The following TMEM178B variants were observed in gnomAD, a reference collection of about 807,000 sequenced individuals.
TMEM178B encodes the protein transmembrane protein 178B.
Under a neutral mutation model 31.0 loss-of-function variants are expected in TMEM178B, and 5 were observed. The ratio of observed to expected loss-of-function variants is 0.16; its 90% confidence interval spans 0.08 to 0.34. The LOEUF (loss-of-function observed/expected upper bound fraction) is 0.34. TMEM178B is among the 10% of genes least tolerant of loss of function. The pLI is 1.00. For synonymous variants in TMEM178B, 164 were observed against 164.0 expected (o/e 1.00, Z 0.00); for missense variants, 275 against 400.3 (o/e 0.69, Z 2.67).
chr7:141,307,212 C>T (rs1798829588), intron 2 of TMEM178B, among the ~76,000 whole-genome samples: 1 of 152,120 alleles, frequency 6.6e-6, no homozygotes, highest in Non-Finnish European at 1.5e-5. Context: ...GGACTGTAAC[C>T]AAGTTTAGCC....
chr7:141,403,048 C>T (rs907253656), intron 2 of TMEM178B, among the ~76,000 whole-genome samples: 3 of 152,204 alleles, frequency 2.0e-5, no homozygotes, highest in African/African-American at 7.2e-5. Context: ...TTCATTTGCC[C>T]TGAGTTTGTG....
intron 2 of TMEM178B, among the ~76,000 whole-genome samples, chr7:141,271,992 C>G (rs1287418865): frequency 6.6e-6 from 1 of 152,164 alleles, no homozygotes; most frequent in Non-Finnish European, 1.5e-5. Context: ...TGTCCCATTG[C>G]TTGGGCCTCC....
chr7:141,488,433 C>CA, the TMEM178B span, among the ~76,000 whole-genome samples: 1 of 149,672 alleles, frequency 6.7e-6, no homozygotes, highest in African/African-American at 2.5e-5. Flanking sequence ...TATGCATTTT[C>CA]TTTTTTTTTT....
At chr7:141,232,168 C>T (rs1797458642) in intron 2 of TMEM178B, among the ~76,000 whole-genome samples, 1 of 152,192 alleles carries the variant, frequency 6.6e-6, no homozygotes. Flanking sequence ...GCATAGTATT[C>T]CATGGTGTAC....
chr7:141,278,056 T>G (rs1303259190), intron 2 of TMEM178B, among the ~76,000 whole-genome samples: 1 of 152,254 alleles, frequency 6.6e-6, no homozygotes, highest in African/African-American at 2.4e-5. Context: ...TAGAGAATTC[T>G]TCTTAGATTT....
chr7:141,088,972 C>A (rs899595042), intron 1 of TMEM178B, among the ~76,000 whole-genome samples: 6 of 152,150 alleles, frequency 3.9e-5, no homozygotes, highest in African/African-American at 1.4e-4. Context: ...AGTGCATTAA[C>A]TGAGATAAAC....
the TMEM178B span, among the ~76,000 whole-genome samples, chr7:141,501,445 T>G: frequency 6.6e-6 from 1 of 152,198 alleles, no homozygotes; most frequent in African/African-American, 2.4e-5. Context: ...TTTTCACTAT[T>G]GGTATAAATG....
At chr7:141,268,223 C>G (rs1440874486) in intron 2 of TMEM178B, among the ~76,000 whole-genome samples, 4 of 152,094 alleles carry the variant, frequency 2.6e-5, no homozygotes, top group Non-Finnish European at 1.5e-5. Flanking sequence ...TGAAAAAAGT[C>G]CCTGTCAGAG....
intron 1 of TMEM178B, among the ~76,000 whole-genome samples, chr7:141,180,687 A>G (rs1166385653): frequency 6.6e-6 from 1 of 152,052 alleles, no homozygotes; most frequent in Admixed American, 6.5e-5. Flanking sequence ...GTTTTGACAT[A>G]TTATCTTTTT....
intron 2 of TMEM178B, among the ~76,000 whole-genome samples, chr7:141,349,491 T>C (rs1159192243): frequency 2.6e-5 from 4 of 152,202 alleles, no homozygotes; most frequent in Admixed American, 2.6e-4. Flanking sequence ...TTTTGAACTC[T>C]TGCTGTGTGC....
intron 2 of TMEM178B, among the ~76,000 whole-genome samples, chr7:141,235,848 C>T (rs1317645852): frequency 1.3e-5 from 2 of 152,184 alleles, no homozygotes; most frequent in Non-Finnish European, 2.9e-5. Context: ...TGGCCCTTGC[C>T]CTTTGAATCT....
intron 2 of TMEM178B, among the ~76,000 whole-genome samples, chr7:141,371,633 C>T (rs1442255781): frequency 1.3e-5 from 2 of 152,176 alleles, no homozygotes; most frequent in Admixed American, 6.5e-5. Flanking sequence ...CTCTCAGCTA[C>T]CTCTTATCTC....
chr7:141,135,469 T>C (rs1332998648), intron 1 of TMEM178B, among the ~76,000 whole-genome samples: 1 of 152,208 alleles, frequency 6.6e-6, no homozygotes, highest in Non-Finnish European at 1.5e-5. Context: ...CAGAATAGGC[T>C]GTATTTTAGG....
At chr7:141,179,942 T>C (rs1394804259) in intron 1 of TMEM178B, among the ~76,000 whole-genome samples, 1 of 152,210 alleles carries the variant, frequency 6.6e-6, no homozygotes, top group Admixed American at 6.5e-5. Flanking sequence ...TGTCTACTCT[T>C]CTCAGGCCCT....
intron 2 of TMEM178B, among the ~76,000 whole-genome samples, chr7:141,323,000 T>A (rs1799127983): frequency 6.6e-6 from 1 of 152,208 alleles, no homozygotes; most frequent in African/African-American, 2.4e-5. Flanking sequence ...TGTGCCCTTT[T>A]GTTGTAAGGG....
chr7:141,126,238 A>G (rs1014242784), intron 1 of TMEM178B, among the ~76,000 whole-genome samples: 1 of 152,192 alleles, frequency 6.6e-6, no homozygotes, highest in Non-Finnish European at 1.5e-5. Context: ...AGAACATTCT[A>G]AGCTGAGGAA....
At chr7:141,289,124 A>G (rs901853041) in intron 2 of TMEM178B, among the ~76,000 whole-genome samples, 1 of 152,194 alleles carries the variant, frequency 6.6e-6, no homozygotes, top group African/African-American at 2.4e-5. Flanking sequence ...GATATAAAGG[A>G]TGAAGTCCAG....
chr7:141,212,668 A>G lies in TMEM178B; in HGVS notation c.460A>G (p.Thr154Ala). 1 of 1,536,036 alleles carries G rather than the reference A, an allele frequency of 6.5e-7. No individual in the cohort carries two copies. Among genetic ancestry groups the G allele is most frequent in the Non-Finnish European group, 8.7e-7 (1 of 1,146,880 alleles). ...TIPRNLTFNITKTIRQDEWHA... is the reference protein window; with the variant it reads ...TIPRNLTFNIAKTIRQDEWHA... ...CCCCAGGAACCTCACTTTCAATATC[A>G]CGAAGACCATCCGTCAGGATGAGTG... is the stretch of plus-strand genomic sequence containing the variant. The change falls in exon 2 of 4, where the codon ACG becomes GCG. Residue 154 changes from threonine (T) to alanine (A), a missense_variant. Coordinates refer to ENST00000565468, the MANE Select transcript of TMEM178B (RefSeq NM_001195278.2).
intron 2 of TMEM178B, among the ~76,000 whole-genome samples, chr7:141,218,658 C>T (rs1334545624): frequency 6.6e-6 from 1 of 152,106 alleles, no homozygotes; most frequent in Non-Finnish European, 1.5e-5. Context: ...CGGCCCCCCA[C>T]ACCTGGACTC....
Sources: gnomAD v4.1 joint callset for allele counts (sites outside exome capture counted in the v4.1 genomes callset) on GRCh38, gnomAD v4.1.1 for gene constraint, MANE v1.5 for transcripts, NCBI Gene and HGNC (gene_info 2026-07-23, HGNC 2026-07-21) for gene names.